ECT2: variants seen among roughly 807,000 people sequenced by gnomAD.
ECT2 encodes protein ECT2.
In ECT2, 61 loss-of-function variants were observed where a neutral mutation model predicts 116.9. The observed-to-expected ratio is 0.52, with a 90% confidence interval of 0.42 to 0.65. The LOEUF is 0.65. Ranked by LOEUF, ECT2 falls within the 30% of genes least tolerant of loss-of-function variation. The pLI is 0.00. For missense variants in ECT2, 937 were observed against 1,078.7 expected (o/e 0.87, Z 1.84); for synonymous variants, 358 against 346.4 (o/e 1.03, Z -0.37).
chr3:172,796,080 T>A (rs1725585640), intron 18 of ECT2, among the ~76,000 whole-genome samples: 1 of 152,228 alleles, frequency 6.6e-6, no homozygotes, highest in Admixed American at 6.5e-5. Context: ...TATAAAGATG[T>A]ATTTTTAGTT....
chr3:172,750,962 T>G (rs1453278822), intron 1 of ECT2, 105 bp downstream of exon 1: 2 of 152,274 alleles, frequency 1.3e-5, no homozygotes, highest in South Asian at 2.1e-4. Context: ...GACCGCGAAT[T>G]CCGGAGCGCC....
At chr3:172,771,371 C>A (rs1458886346) in intron 13 of ECT2, 1 of 152,094 alleles carries the variant, frequency 6.6e-6, no homozygotes, top group Non-Finnish European at 1.5e-5. Flanking sequence ...CTTGTCGTTA[C>A]TATTATAAAA....
At position 172,815,718 on chromosome 3, in the gene ECT2, T is replaced by G; in HGVS notation, c.2508+7T>G. On this transcript the variant is annotated splice_region_variant and intron_variant, in intron 23 of 24. Coordinates refer to ENST00000392692, the MANE Select transcript of ECT2 (RefSeq NM_001258315.2). ...AAAAAAGACTTCAAAAAAGGTGAGT[T>G]TTAGTGAAAGTATTATTTAGCACAT... 1 of 1,541,416 alleles carries G rather than the reference T, an allele frequency of 6.5e-7. No individual in the cohort carries two copies. The highest frequency in any genetic ancestry group is 1.2e-5 in the South Asian group (1 of 85,036).
rs113549650 is a variant in ECT2 at position 172,800,579 on chromosome 3, T to A, written c.1908-2037T>A. On this transcript the variant is annotated intron_variant, in intron 18 of 24. Coordinates refer to ENST00000392692, the MANE Select transcript of ECT2 (RefSeq NM_001258315.2). ...AAGTAAAATGAGAAATTTATCGTTA[T>A]ATTTTATTTTTGACTTTGACATTAT... is the stretch of plus-strand genomic sequence containing the variant. 8.3e-3 allele frequency among the ~76,000 whole-genome samples: 1,259 copies of A among 152,346 alleles called. 15 individuals carry two copies. The highest frequency in any genetic ancestry group is 0.045 in the South Asian group (217 of 4,826).
chr3:172,828,882 C>T, the ECT2 span: 1 of 1,362,790 alleles, frequency 7.3e-7, no homozygotes, highest in South Asian at 1.3e-5. Flanking sequence ...GGGTTCCTGG[C>T]ATAGCCAATG....
chr3:172,774,123 T>C (rs1013183844), intron 14 of ECT2, 101 bp downstream of exon 14: 1 of 1,059,026 alleles, frequency 9.4e-7, no homozygotes, highest in Non-Finnish European at 1.4e-6. Context: ...GTTTTGTACC[T>C]AAAACTTCTT....
At chr3:172,755,250 G>C in intron 2 of ECT2, 45 bp from the exon 3 acceptor site, 1 of 1,441,386 alleles carries the variant, frequency 6.9e-7, no homozygotes, top group Non-Finnish European at 9.5e-7. Flanking sequence ...TACTGATTGT[G>C]ATGTTAATAC....
In ECT2 at chr3:172,816,830, C is replaced by A; in HGVS notation, c.2648C>A (p.Ser883Ter). 1.3e-6 allele frequency: 2 copies of A among 1,579,198 alleles called. No homozygotes were observed. The highest frequency in any genetic ancestry group is 1.7e-6 in the Non-Finnish European group (2 of 1,158,154). ...HVMSRLSSTSSLAGIPSPSLV... is the reference protein window; with the variant it reads ...HVMSRLSSTS Reference sequence around the variant, plus strand: ...ATGAGTCGTCTTTCTAGCACATCATCATTAGCAGTAAGTTATTTTGATTTA... The same window carrying A: ...ATGAGTCGTCTTTCTAGCACATCATAATTAGCAGTAAGTTATTTTGATTTA... Residue 883 changes from serine to a stop codon, truncating the protein, a stop_gained, in exon 24 of 25, where the codon TCA (serine) becomes TAA (stop). Transcript: ENST00000392692. LOFTEE classifies it high-confidence loss of function.
intron 24 of ECT2, among the ~76,000 whole-genome samples, chr3:172,819,189 C>A (rs900626666): frequency 3.9e-5 from 6 of 152,180 alleles, no homozygotes; most frequent in Non-Finnish European, 8.8e-5. Flanking sequence ...TTCATATCAT[C>A]ATTTTGTTGA....
chr3:172,815,043 C>T (rs965466067), intron 22 of ECT2, among the ~76,000 whole-genome samples: 1 of 152,076 alleles, frequency 6.6e-6, no homozygotes, highest in Non-Finnish European at 1.5e-5. Flanking sequence ...GTCTTTGATT[C>T]CTTTGGGAAT....
At chr3:172,810,857 C>A (rs571970170) in intron 22 of ECT2, among the ~76,000 whole-genome samples, 2 of 152,120 alleles carry the variant, frequency 1.3e-5, no homozygotes, top group African/African-American at 4.8e-5. Context: ...TTATATATCT[C>A]AGTGGGAAAG....
chr3:172,797,134 A>T (rs780882756), intron 18 of ECT2, among the ~76,000 whole-genome samples: 27 of 150,870 alleles, frequency 1.8e-4, no homozygotes, highest in Admixed American at 5.3e-4. Context: ...GGCTCAAGTG[A>T]TCCTCCTACC....
rs547834191 is a variant in ECT2, at chr3:172,760,033, A to T, written c.577-123A>T. The T allele has an allele frequency of 3.6e-5, 20 of 555,986 alleles. No individual in the cohort carries two copies. In the South Asian group the frequency reaches 8.6e-4, roughly 24 times the overall value. 34.4% of individuals were successfully genotyped at this position (555,986 alleles called of 1,614,324 possible). The stretch of plus-strand genomic sequence containing the variant: ...TTGACATAAAATTTAATAGCTTTAT[A>T]AAAATCCCGTATGTATTTTATAAAT... On this transcript the variant is annotated intron_variant, in intron 6 of 24. Coordinates refer to ENST00000392692, the MANE Select transcript of ECT2 (RefSeq NM_001258315.2).
intron 13 of ECT2, 149 bp from the exon 14 acceptor site, chr3:172,773,753 AT>A (rs1721110794): frequency 5.2e-6 from 4 of 770,678 alleles, no homozygotes; most frequent in African/African-American, 1.8e-5. Flanking sequence ...AGAATAGAAA[AT>A]ATGGGGAAAA....
downstream of ECT2, among the ~76,000 whole-genome samples, chr3:172,823,966 G>A (rs74375102): frequency 9.8e-3 from 1,294 of 132,262 alleles, 28 homozygotes; most frequent in African/African-American, 0.035. Flanking sequence ...ATCTCACTCT[G>A]TCTCCACAGC....
chr3:172,766,898 A>G (rs916678902), intron 12 of ECT2, among the ~76,000 whole-genome samples: 1 of 149,622 alleles, frequency 6.7e-6, no homozygotes. Context: ...ATTTTAGGAG[A>G]CAAGAGAACA....
downstream of ECT2, among the ~76,000 whole-genome samples, chr3:172,822,789 A>G (rs1730742353): frequency 6.6e-6 from 1 of 152,046 alleles, no homozygotes; most frequent in African/African-American, 2.4e-5. Flanking sequence ...GCTGAAGAGA[A>G]AACTAGTGAC....
intron 1 of ECT2, among the ~76,000 whole-genome samples, chr3:172,751,848 GA>G (rs999993228): frequency 6.6e-5 from 10 of 151,862 alleles, no homozygotes; most frequent in Non-Finnish European, 1.2e-4. Flanking sequence ...ACAGTAATTT[GA>G]AAAAAAGTGA....
chr3:172,817,604 G>GTA lies in ECT2; in HGVS notation c.2655+775_2655+776dup, dbSNP rs550854109. 7.2e-5 allele frequency among the ~76,000 whole-genome samples: 11 copies of GTA among 152,036 alleles called. No homozygotes were observed. The East Asian group carries it at 1.9e-3, about 27-fold the overall frequency. On this transcript the variant is annotated intron_variant, in intron 24 of 24. Transcript: ENST00000392692. ...TACGAGTTCTAAATTCATGTATATT[G>GTA]TATATATATGTATGTATATTTAAAG...
Sources: gnomAD v4.1 joint callset for allele counts (sites outside exome capture counted in the v4.1 genomes callset) on GRCh38, gnomAD v4.1.1 for gene constraint, MANE v1.5 for transcripts, NCBI Gene and HGNC (gene_info 2026-07-23, HGNC 2026-07-21) for gene names.